Variants in CHN2 observed in about 807,000 individuals in gnomAD.
The protein encoded by CHN2 is chimerin 2, also known as beta-chimaerin.
CHN2 carries 35 observed loss-of-function variants against 56.3 expected under a neutral mutation model. That is an observed-to-expected ratio of 0.62 (90% confidence interval 0.47 to 0.82). The LOEUF (loss-of-function observed/expected upper bound fraction) is 0.82. Ranked by LOEUF, CHN2 falls within the 40% of genes least tolerant of loss-of-function variation. The pLI is 0.00. For synonymous variants in CHN2, 210 were observed against 212.8 expected (o/e 0.99, Z 0.12); for missense variants, 491 against 580.5 (o/e 0.85, Z 1.58).
chr7:29,211,533 T>C (rs1423645384), intron 1 of CHN2, among the ~76,000 whole-genome samples: 1 of 152,012 alleles, frequency 6.6e-6, no homozygotes, highest in East Asian at 1.9e-4. Context: ...TCCTGTTATA[T>C]ATGATGTGCT....
chr7:29,471,662 C>A (rs924396886), intron 6 of CHN2, among the ~76,000 whole-genome samples: 2 of 152,088 alleles, frequency 1.3e-5, no homozygotes, highest in Non-Finnish European at 2.9e-5. Context: ...GCCATCTGTC[C>A]CTGGAGAATA....
At chr7:29,218,404 A>C (rs40375) in intron 1 of CHN2, among the ~76,000 whole-genome samples, 49,091 of 151,958 alleles carry the variant, frequency 0.32, 8,547 homozygotes, top group Admixed American at 0.41. Flanking sequence ...GCGATTCCTC[A>C]GGGATCTAGA....
chr7:29,365,003 G>T (rs1239634744), intron 2 of CHN2, among the ~76,000 whole-genome samples: 1 of 152,180 alleles, frequency 6.6e-6, no homozygotes, highest in Non-Finnish European at 1.5e-5. Flanking sequence ...GTGTGTGTCT[G>T]TGTATTTTAC....
chr7:29,261,496 A>G (rs1050605401), intron 1 of CHN2, among the ~76,000 whole-genome samples: 21 of 133,618 alleles, frequency 1.6e-4, no homozygotes, highest in Non-Finnish European at 4.9e-5. Context: ...AAGGACCACA[A>G]GTATTTCTCT....
chr7:29,203,238 G>A (rs377318298), intron 1 of CHN2, among the ~76,000 whole-genome samples: 2 of 152,090 alleles, frequency 1.3e-5, no homozygotes, highest in East Asian at 1.9e-4. Context: ...AGGCCAAGGC[G>A]GGTGGATCAC....
At chr7:29,164,779 CAAAAAAAA>C (rs55742522) in intron 2 of CHN2, among the ~76,000 whole-genome samples, 1 of 85,880 alleles carries the variant, frequency 1.2e-5, no homozygotes, top group African/African-American at 4.3e-5. Context: ...AGACCTGTCT[CAAAAAAAA>C]AAAAAAAAAA....
At chr7:29,415,615 T>C (rs1221669088) in intron 6 of CHN2, among the ~76,000 whole-genome samples, 3 of 151,602 alleles carry the variant, frequency 2.0e-5, no homozygotes, top group African/African-American at 4.9e-5. Flanking sequence ...AGGAGGGAGA[T>C]GGCCAGGTTG....
chr7:29,499,226 C>T (rs183038705), intron 8 of CHN2, among the ~76,000 whole-genome samples: 2 of 152,216 alleles, frequency 1.3e-5, no homozygotes, highest in Admixed American at 6.5e-5. Flanking sequence ...TATAAACTCT[C>T]AAGTACTCCT....
chr7:29,158,185 G>A (rs1440153462), intron 2 of CHN2, among the ~76,000 whole-genome samples: 1 of 152,164 alleles, frequency 6.6e-6, no homozygotes, highest in African/African-American at 2.4e-5. Flanking sequence ...ATTAAGAAGA[G>A]CATGAGTTCC....
intron 6 of CHN2, among the ~76,000 whole-genome samples, chr7:29,409,997 C>A (rs1352924486): frequency 6.6e-6 from 1 of 152,174 alleles, no homozygotes; most frequent in East Asian, 1.9e-4. Flanking sequence ...CTGGACCTGA[C>A]CCACCAAGCG....
rs576161406 is a variant in CHN2 at position 29,261,266 on chromosome 7, C to T, written c.49+66276C>T. ...GAGGCCATGCAGCCTACTTAATGAC[C>T]GGCGGAGGGGGTTGGTGTTTGCACT... On this transcript the variant is annotated intron_variant, in intron 1 of 12. Transcript: ENST00000222792. Among the ~76,000 whole-genome samples, 16 of 152,302 alleles carry T rather than the reference C, an allele frequency of 1.1e-4. No homozygotes were observed. In the South Asian group the frequency reaches 2.3e-3, roughly 22 times the overall value.
chr7:29,405,540 C>T (rs1242267496), intron 6 of CHN2, among the ~76,000 whole-genome samples: 2 of 152,168 alleles, frequency 1.3e-5, no homozygotes, highest in Non-Finnish European at 2.9e-5. Flanking sequence ...ACCATCACCA[C>T]GCCTTTCTCA....
chr7:29,217,659 G>A (rs371622744), intron 1 of CHN2, among the ~76,000 whole-genome samples: 21 of 152,162 alleles, frequency 1.4e-4, no homozygotes, highest in African/African-American at 4.6e-4. Flanking sequence ...AGGCCCTGAA[G>A]TCCTTTGGAT....
chr7:29,492,200 A>G, intron 7 of CHN2, among the ~76,000 whole-genome samples: 1 of 152,192 alleles, frequency 6.6e-6, no homozygotes. Context: ...TCAATAATCT[A>G]TTCATGTCTT....
At chr7:29,334,521 A>G (rs1796467338) in intron 1 of CHN2, 1 of 120,574 alleles carries the variant, frequency 8.3e-6, no homozygotes, top group Admixed American at 8.1e-5. Flanking sequence ...TTGGAAGCCC[A>G]AGGTGGGTGG....
chr7:29,430,407 T>C (rs1347101283), intron 6 of CHN2, among the ~76,000 whole-genome samples: 1 of 152,150 alleles, frequency 6.6e-6, no homozygotes, highest in Non-Finnish European at 1.5e-5. Flanking sequence ...AATCAGGCAG[T>C]CCCTAGAACC....
chr7:29,383,562 G>A lies in CHN2; in HGVS notation c.145-10117G>A, dbSNP rs1479673836. On this transcript the variant is annotated intron_variant, in intron 3 of 12. Coordinates refer to ENST00000222792, the MANE Select transcript of CHN2 (RefSeq NM_004067.4). ...CCAGACACAACCAGAAATAATGTTT[G>A]TCAGATATCTGGGAATCCCGTGGCC... Among the ~76,000 whole-genome samples, 13 of 152,284 alleles carry A rather than the reference G, an allele frequency of 8.5e-5. No individual in the cohort carries two copies. The East Asian group carries it at 2.3e-3, about 27-fold the overall frequency.
intron 6 of CHN2, among the ~76,000 whole-genome samples, chr7:29,426,217 A>G (rs1167856537): frequency 6.6e-6 from 1 of 150,966 alleles, no homozygotes; most frequent in African/African-American, 2.4e-5. Flanking sequence ...AAAAAAAAAA[A>G]AAAAAAAAAA....
rs752181405 is a variant in CHN2, at chr7:29,452,751, T to TTTTATAGGA, written c.577-27528_577-27527insTTTATAGGA. Reference sequence around the variant, plus strand: ...ATTTGATATAAAGCTGAATTGTCAATAGCATGAAACATTTTATAGGAAGAG... The same window carrying TTTTATAGGA: ...ATTTGATATAAAGCTGAATTGTCAATTTTATAGGAAGCATGAAACATTTTATAGGAAGAG... On this transcript the variant is annotated intron_variant, in intron 6 of 12. Transcript: ENST00000222792. Among the ~76,000 whole-genome samples the TTTTATAGGA allele has an allele frequency of 3.6e-3, 552 of 152,352 alleles. 2 individuals are homozygous for TTTTATAGGA. Among genetic ancestry groups the TTTTATAGGA allele is most frequent in the Middle Eastern group, 0.014 (4 of 294 alleles).
Sources: gnomAD v4.1 joint callset for allele counts (sites outside exome capture counted in the v4.1 genomes callset) on GRCh38, gnomAD v4.1.1 for gene constraint, MANE v1.5 for transcripts, NCBI Gene and HGNC (gene_info 2026-07-23, HGNC 2026-07-21) for gene names.